ZNF469: variants seen among roughly 807,000 people sequenced by gnomAD.
ZNF469 encodes the protein zinc finger protein 469.
Under a neutral mutation model 1.0 loss-of-function variants are expected in ZNF469, and 1 was observed. The ratio of observed to expected loss-of-function variants is 1.00; its 90% CI spans 0.35 to 4.73. The LOEUF (loss-of-function observed/expected upper bound fraction) is 4.73. ZNF469 is among the 30% of genes most tolerant of loss of function. ZNF469 has a pLI of 0.16. For missense variants in ZNF469, 6,100 were observed against 5,356.3 expected (o/e 1.14, Z -4.33); for synonymous variants, 2,703 against 2,363.4 (o/e 1.14, Z -4.17).
chr16:88,320,722 T>C, the ZNF469 span, among the ~76,000 whole-genome samples: 1 of 152,338 alleles, frequency 6.6e-6, no homozygotes, highest in Middle Eastern at 3.4e-3. Flanking sequence ...GGTCTTGAAC[T>C]TGAACACGTC....
the ZNF469 span, among the ~76,000 whole-genome samples, chr16:88,185,872 A>G: frequency 2.6e-5 from 4 of 151,936 alleles, no homozygotes; most frequent in African/African-American, 9.7e-5. Flanking sequence ...TGAATATAGT[A>G]TATGCACACA....
At chr16:88,282,787 G>T in the ZNF469 span, among the ~76,000 whole-genome samples, 1 of 152,190 alleles carries the variant, frequency 6.6e-6, no homozygotes, top group East Asian at 1.9e-4. Flanking sequence ...TCCTGACCTC[G>T]ATGGAGTGGA....
chr16:88,239,512 G>A, the ZNF469 span, among the ~76,000 whole-genome samples: 1 of 147,136 alleles, frequency 6.8e-6, no homozygotes, highest in Admixed American at 6.8e-5. Context: ...TTTTTGAGAC[G>A]GAGTCTCGCT....
rs1331518805 is a variant in ZNF469, at chr16:88,433,222, G to A, written c.5752G>A (p.Gly1918Ser). 12 of 1,550,192 alleles carry A rather than the reference G, an allele frequency of 7.7e-6. No individual in the cohort carries two copies. Among genetic ancestry groups the A allele is most frequent in the Admixed American group, 2.0e-5 (1 of 50,986 alleles). Residue 1918 changes from glycine (G) to serine (S), a missense_variant, in exon 3 of 3, where the codon GGC becomes AGC. Gly to Ser is a moderately conservative substitution (Grantham distance 56). Coordinates refer to ENST00000565624, the MANE Select transcript of ZNF469 (RefSeq NM_001367624.2). Reference protein sequence around the residue: ...PGPGVAKSKDGILGLQELTPA... With the variant: ...PGPGVAKSKDSILGLQELTPA... ...GCCTGGAGTGGCTAAGAGTAAAGAT[G>A]GCATCCTGGGCTTGCAGGAGCTGAC...
At chr16:88,361,948 A>G in the ZNF469 span, among the ~76,000 whole-genome samples, 1 of 152,204 alleles carries the variant, frequency 6.6e-6, no homozygotes, top group Non-Finnish European at 1.5e-5. Flanking sequence ...ACTTCTGTTG[A>G]AAAACAAATC....
chr16:88,250,398 T>G, the ZNF469 span, among the ~76,000 whole-genome samples: 2 of 152,264 alleles, frequency 1.3e-5, no homozygotes, highest in African/African-American at 4.8e-5. Context: ...TTATAATTTT[T>G]ATTGCTGAAT....
chr16:88,232,681 T>A, the ZNF469 span, among the ~76,000 whole-genome samples: 1 of 152,046 alleles, frequency 6.6e-6, no homozygotes, highest in Non-Finnish European at 1.5e-5. Flanking sequence ...AGCTGCAGAG[T>A]GATCAGGCCA....
the ZNF469 span, among the ~76,000 whole-genome samples, chr16:88,158,483 G>A: frequency 2.6e-5 from 4 of 152,154 alleles, no homozygotes; most frequent in African/African-American, 7.2e-5. Context: ...GACTCCGACA[G>A]TGGAAGCACC....
chr16:88,299,372 A>C, the ZNF469 span, among the ~76,000 whole-genome samples: 743 of 152,282 alleles, frequency 4.9e-3, 31 homozygotes, highest in East Asian at 0.081. Flanking sequence ...TGGAGGAAGC[A>C]GCTTGCAGCA....
intron 1 of ZNF469, among the ~76,000 whole-genome samples, chr16:88,411,641 G>C (rs1030631710): frequency 6.6e-6 from 1 of 152,128 alleles, no homozygotes; most frequent in Non-Finnish European, 1.5e-5. Flanking sequence ...CAGGAAGCTG[G>C]AGACAGGTGT....
chr16:88,333,989 T>C, the ZNF469 span, among the ~76,000 whole-genome samples: 1 of 150,894 alleles, frequency 6.6e-6, no homozygotes, highest in East Asian at 1.9e-4. Flanking sequence ...TGTGTATCTG[T>C]GTGTGTCTGT....
rs532336571 is a variant in ZNF469 at position 88,418,333 on chromosome 16, G to A, written c.-191-6474G>A. ...GCCCATCTCGGTGAGGCCGTGGAGG[G>A]TTGTCTAGGAGACTGAGCAGAGCTG... On this transcript the variant is annotated intron_variant, in intron 1 of 2. Transcript: ENST00000565624. Among the ~76,000 whole-genome samples, 5 of 151,516 alleles carry A rather than the reference G, an allele frequency of 3.3e-5. No homozygotes were observed. In the East Asian group the frequency reaches 9.7e-4, roughly 30 times the overall value.
In ZNF469 at chr16:88,436,170, C is replaced by T. The variant is rs764632868; in HGVS notation, c.8700C>T (p.Asp2900=). 5 of 1,547,694 alleles carry T rather than the reference C, an allele frequency of 3.2e-6. No individual in the cohort carries two copies. The South Asian group carries it at 3.6e-5, about 11-fold the overall frequency. The change falls in exon 3 of 3, where the codon GAC becomes GAT. Residue 2900 remains aspartate (D), a synonymous_variant. Coordinates refer to ENST00000565624, the MANE Select transcript of ZNF469 (RefSeq NM_001367624.2). ...AGCCCAGCTTTGAGGAGGGCGGTGA[C>T]CCCACGCTGGGCCCAGCCCGCCTGC... The part of the protein sequence containing the change: ...PTQPSFEEGG[D]PTLGPARLPT...
chr16:88,108,884 C>T, the ZNF469 span, among the ~76,000 whole-genome samples: 4 of 152,194 alleles, frequency 2.6e-5, no homozygotes, highest in Admixed American at 6.5e-5. Flanking sequence ...GGGCCACCAG[C>T]CCCGGTCGGG....
rs1906518700 is a variant in ZNF469 at position 88,435,657 on chromosome 16, G to A, written c.8187G>A (p.Met2729Ile). Residue 2729 changes from methionine to isoleucine, a missense_variant, in exon 3 of 3, where the codon ATG (methionine) becomes ATA (isoleucine). Coordinates refer to ENST00000565624, the MANE Select transcript of ZNF469 (RefSeq NM_001367624.2). ...TGAQKPPGDR[M>I]LCPGRMDGAA... is the part of the protein sequence containing the mutation. Reference sequence around the variant, plus strand: ...CCCAGAAGCCACCTGGAGATCGGATGCTGTGTCCAGGGAGGATGGATGGTG... The same window carrying A: ...CCCAGAAGCCACCTGGAGATCGGATACTGTGTCCAGGGAGGATGGATGGTG... 6.4e-7 allele frequency: 1 copy of A among 1,550,522 alleles called. No homozygotes were observed. The highest frequency in any genetic ancestry group is 8.7e-7 in the Non-Finnish European group (1 of 1,146,992).
At chr16:88,157,629 G>C in the ZNF469 span, among the ~76,000 whole-genome samples, 2 of 152,022 alleles carry the variant, frequency 1.3e-5, no homozygotes, top group Admixed American at 1.3e-4. Context: ...GGCTGGAAGT[G>C]CCATAGCAGA....
chr16:88,377,655 A>G, the ZNF469 span, among the ~76,000 whole-genome samples: 6 of 145,178 alleles, frequency 4.1e-5, no homozygotes, highest in African/African-American at 1.6e-4. Flanking sequence ...TCCCTTCCTC[A>G]CTCCCCATCC....
the ZNF469 span, among the ~76,000 whole-genome samples, chr16:88,180,737 G>A: frequency 7.0e-6 from 1 of 142,688 alleles, no homozygotes; most frequent in African/African-American, 2.6e-5. Flanking sequence ...TGGTCCCACT[G>A]CACTCCAGCC....
At chr16:88,324,660 G>T in the ZNF469 span, among the ~76,000 whole-genome samples, 32 of 152,364 alleles carry the variant, frequency 2.1e-4, no homozygotes, top group East Asian at 1.9e-4. Context: ...AGGGACTGTA[G>T]CTGTTTTTAT....
Sources: gnomAD v4.1 joint callset for allele counts (sites outside exome capture counted in the v4.1 genomes callset) on GRCh38, gnomAD v4.1.1 for gene constraint, MANE v1.5 for transcripts, NCBI Gene and HGNC (gene_info 2026-07-23, HGNC 2026-07-21) for gene names.